Variants in GABRG3 observed in about 807,000 individuals in gnomAD.
GABRG3 encodes the protein gamma-aminobutyric acid receptor subunit gamma-3.
A neutral mutation model predicts 48.8 loss-of-function variants in GABRG3; 25 were observed. The observed-to-expected ratio is 0.51, with a 90% CI of 0.37 to 0.72. The LOEUF (loss-of-function observed/expected upper bound fraction) is 0.72, where lower values mean the gene tolerates loss of function less well. Among genes scored for constraint, GABRG3 ranks in the 30% least tolerant of loss-of-function variants. The pLI, the probability that GABRG3 is intolerant of heterozygous loss-of-function variation, is 0.00. For synonymous variants in GABRG3, 227 were observed against 217.6 expected (o/e 1.04, Z -0.38); for missense variants, 394 against 577.9 (o/e 0.68, Z 3.26).
chr15:27,469,499 C>T (rs538480837), intron 5 of GABRG3, among the ~76,000 whole-genome samples: 26 of 152,210 alleles, frequency 1.7e-4, no homozygotes. Flanking sequence ...CACCACCACA[C>T]CGGACTAATT....
intron 3 of GABRG3, among the ~76,000 whole-genome samples, chr15:27,079,196 C>T (rs1228713514): frequency 6.6e-6 from 1 of 152,026 alleles, no homozygotes; most frequent in Non-Finnish European, 1.5e-5. Context: ...GGAGACATGT[C>T]CAGTGCTCAG....
At position 26,974,215 on chromosome 15, in the gene GABRG3, G is replaced by A. The variant is rs1894895441; in HGVS notation, c.53+2627G>A. 6.6e-6 allele frequency among the ~76,000 whole-genome samples: 1 copy of A among 152,170 alleles called. No individual in the cohort carries two copies. The highest frequency in any genetic ancestry group is 2.4e-5 in the African/African-American group (1 of 41,432). On this transcript the variant is annotated intron_variant, in intron 1 of 9. Coordinates refer to ENST00000615808, the MANE Select transcript of GABRG3 (RefSeq NM_033223.5). The surrounding 1 kb of genome is among the most constrained non-coding windows in gnomAD (Gnocchi z 4.3). ...ATATGCCTCCCAAAGGGGTGGAAGA[G>A]AACGTTCCTGCTTTCTTTTTCTTGG...
intron 5 of GABRG3, among the ~76,000 whole-genome samples, chr15:27,336,208 A>AAGAGAGAG (rs71285057): frequency 5.8e-5 from 8 of 138,782 alleles, no homozygotes; most frequent in African/African-American, 2.1e-4. Flanking sequence ...GAAAGAAAGA[A>AAGAGAGAG]AGAGAGAGAG....
chr15:27,500,259 GGTAGGA>G (rs1180350608), intron 6 of GABRG3, among the ~76,000 whole-genome samples: 1 of 152,098 alleles, frequency 6.6e-6, no homozygotes, highest in African/African-American at 2.4e-5. Flanking sequence ...TGCCCAGCCT[GGTAGGA>G]CAGAGGCAGC....
intron 3 of GABRG3, among the ~76,000 whole-genome samples, chr15:27,154,342 G>A (rs2376837): frequency 0.29 from 43,908 of 151,930 alleles, 6,796 homozygotes; most frequent in Middle Eastern, 0.36. Flanking sequence ...TCTTTCTTTT[G>A]CCTTCTTACA....
chr15:27,300,924 A>G (rs913489159), intron 3 of GABRG3, among the ~76,000 whole-genome samples: 3 of 151,490 alleles, frequency 2.0e-5, no homozygotes, highest in Non-Finnish European at 2.9e-5. Context: ...CCAAGATCGC[A>G]CCACTGTACT....
chr15:27,451,847 G>T (rs1369126307), intron 5 of GABRG3, among the ~76,000 whole-genome samples: 2 of 152,050 alleles, frequency 1.3e-5, no homozygotes, highest in African/African-American at 4.8e-5. Flanking sequence ...ATTAAAAATG[G>T]GCCAAGGGAC....
At position 27,180,782 on chromosome 15, in the gene GABRG3, GC is replaced by G. The variant is rs1387104938; in HGVS notation, c.271-146026del. 6.6e-6 allele frequency among the ~76,000 whole-genome samples: 1 copy of G among 152,058 alleles called. No homozygotes were observed. The highest frequency in any genetic ancestry group is 2.4e-5 in the African/African-American group (1 of 41,388). ...CCTGGCCCTAAATCCACTGACTAAT[GC>G]TCTTATCCACTCACATTTTGTCACT... On this transcript the variant is annotated intron_variant, in intron 3 of 9. Coordinates refer to ENST00000615808, the MANE Select transcript of GABRG3 (RefSeq NM_033223.5). This position sits in a 1 kb window ranked among gnomAD's most constrained non-coding sequence, Gnocchi z 4.2.
intron 3 of GABRG3, among the ~76,000 whole-genome samples, chr15:27,093,829 G>T (rs1055193160): frequency 4.6e-5 from 7 of 152,160 alleles, no homozygotes; most frequent in African/African-American, 1.7e-4. Flanking sequence ...GGTCCCTTCA[G>T]CGTGTAAATG....
intron 3 of GABRG3, among the ~76,000 whole-genome samples, chr15:27,036,910 A>G (rs541086957): frequency 6.6e-6 from 1 of 152,302 alleles, no homozygotes; most frequent in South Asian, 2.1e-4. Context: ...GAGTCATTGC[A>G]GATGTAATTT....
chr15:27,157,803 T>G (rs764796232), intron 3 of GABRG3: 1 of 152,244 alleles, frequency 6.6e-6, no homozygotes, highest in Non-Finnish European at 1.5e-5. Flanking sequence ...TATAAGACTG[T>G]GTGCACAGTG....
At chr15:27,407,149 A>C (rs945409378) in intron 5 of GABRG3, among the ~76,000 whole-genome samples, 1 of 151,796 alleles carries the variant, frequency 6.6e-6, no homozygotes, top group Non-Finnish European at 1.5e-5. Context: ...CTGGTCTTGA[A>C]CTCCAGCCTC....
intron 3 of GABRG3, among the ~76,000 whole-genome samples, chr15:27,197,363 C>T (rs1196525284): frequency 6.6e-6 from 1 of 152,100 alleles, no homozygotes; most frequent in African/African-American, 2.4e-5. Context: ...CCTTTTTGAT[C>T]CATTATGTGA....
chr15:27,009,135 C>T (rs758377370), intron 2 of GABRG3, among the ~76,000 whole-genome samples: 1 of 152,128 alleles, frequency 6.6e-6, no homozygotes, highest in Non-Finnish European at 1.5e-5. Context: ...CCCTGAGCAT[C>T]GACACATACT....
chr15:27,234,400 G>A (rs1029682924), intron 3 of GABRG3, among the ~76,000 whole-genome samples: 2 of 152,220 alleles, frequency 1.3e-5, no homozygotes, highest in East Asian at 3.9e-4. Flanking sequence ...GAGTCTCTGG[G>A]CCTCCGTCTT....
chr15:27,524,076 G>T (rs1009796220), intron 7 of GABRG3, among the ~76,000 whole-genome samples: 1 of 152,020 alleles, frequency 6.6e-6, no homozygotes, highest in Non-Finnish European at 1.5e-5. Flanking sequence ...AGAATGTTAG[G>T]TAAAGACACA....
intron 3 of GABRG3, among the ~76,000 whole-genome samples, chr15:27,084,277 C>T (rs1897039974): frequency 2.0e-5 from 3 of 152,218 alleles, no homozygotes; most frequent in Admixed American, 6.5e-5. Flanking sequence ...CTCTCTTAGA[C>T]CTTTGGTTAC....
chr15:27,172,588 C>A (rs1390102504), intron 3 of GABRG3, among the ~76,000 whole-genome samples: 1 of 152,192 alleles, frequency 6.6e-6, no homozygotes, highest in Non-Finnish European at 1.5e-5. Context: ...CTCAGAACAT[C>A]ATTACCTGGT....
intron 1 of GABRG3, among the ~76,000 whole-genome samples, chr15:26,971,953 C>T (rs988059742): frequency 5.9e-5 from 9 of 152,166 alleles, no homozygotes; most frequent in Non-Finnish European, 1.2e-4. Flanking sequence ...CACACACACA[C>T]ACTTTGGCTG....
Sources: allele counts gnomAD v4.1 joint callset (sites outside exome capture counted in the v4.1 genomes callset), GRCh38; gene constraint gnomAD v4.1.1; non-coding constraint Gnocchi (gnomAD v3.1); transcripts MANE v1.5; gene names NCBI Gene and HGNC (gene_info 2026-07-23, HGNC 2026-07-21).